LPP: variants seen among roughly 807,000 people sequenced by gnomAD.
LPP encodes the protein LIM domain containing preferred translocation partner in lipoma, also known as lipoma-preferred partner.
In LPP, 38 loss-of-function variants were observed where a neutral mutation model predicts 60.4. The observed-to-expected ratio is 0.63, with a 90% CI of 0.49 to 0.83. The LOEUF (loss-of-function observed/expected upper bound fraction) is 0.83. Among genes scored for constraint, LPP ranks in the 40% least tolerant of loss-of-function variants. LPP has a pLI of 0.00. For synonymous variants in LPP, 328 were observed against 290.8 expected (o/e 1.13, Z -1.30); for missense variants, 902 against 783.6 (o/e 1.15, Z -1.80).
At chr3:188,440,056 A>G (rs1464743881) in intron 4 of LPP, among the ~76,000 whole-genome samples, 1 of 152,142 alleles carries the variant, frequency 6.6e-6, no homozygotes, top group African/African-American at 2.4e-5. Context: ...GGATTATCAA[A>G]ATTTTTGTTC....
chr3:188,517,244 AG>A (rs368913097), intron 5 of LPP, among the ~76,000 whole-genome samples: 8 of 152,350 alleles, frequency 5.3e-5, no homozygotes, highest in African/African-American at 1.4e-4. Context: ...CTGACTCCAA[AG>A]CTTTCACCAG....
At chr3:188,580,900 T>C (rs9823790) in intron 6 of LPP, among the ~76,000 whole-genome samples, 103,803 of 151,944 alleles carry the variant, frequency 0.68, 35,919 homozygotes, top group East Asian at 0.87. Flanking sequence ...CTTGCCACAA[T>C]GAGAATTCCT....
At position 188,156,414 on chromosome 3, in the gene LPP, T is replaced by C. The variant is rs548357112; in HGVS notation, c.-190+2162T>C. ...GCTTAAAAATGCCAGGCTAAGGAGT[T>C]TGGATATATCTTAAATTCATCATTT... On this transcript the variant is annotated intron_variant, in intron 1 of 11. Transcript: ENST00000617246. Among the ~76,000 whole-genome samples, 60 of 152,256 alleles carry C rather than the reference T, an allele frequency of 3.9e-4. No individual in the cohort carries two copies. The South Asian group carries it at 0.012, about 32-fold the overall frequency.
chr3:188,743,861 A>G (rs1306448686), intron 8 of LPP: 1 of 152,130 alleles, frequency 6.6e-6, no homozygotes, highest in East Asian at 1.9e-4. Flanking sequence ...TCTAAATTTG[A>G]TTCATAGATT....
At chr3:188,325,765 G>T (rs969128234) in intron 2 of LPP, among the ~76,000 whole-genome samples, 5 of 151,932 alleles carry the variant, frequency 3.3e-5, no homozygotes, top group Non-Finnish European at 5.9e-5. Flanking sequence ...TATTTTTTGT[G>T]TTCCTCTTGT....
chr3:188,340,443 A>G (rs1014027212), intron 2 of LPP, among the ~76,000 whole-genome samples: 2 of 122,850 alleles, frequency 1.6e-5, no homozygotes, highest in Admixed American at 9.2e-5. Flanking sequence ...GTTCAGGGGT[A>G]TAGTTGCAGG....
intron 9 of LPP, among the ~76,000 whole-genome samples, chr3:188,856,581 A>G (rs1193939050): frequency 6.6e-6 from 1 of 152,182 alleles, no homozygotes; most frequent in Non-Finnish European, 1.5e-5. Context: ...TTCTTATAAT[A>G]TTTAATTCTC....
intron 5 of LPP, among the ~76,000 whole-genome samples, chr3:188,522,815 A>ATATATATATATATATG (rs796830660): frequency 3.7e-5 from 5 of 136,516 alleles, no homozygotes; most frequent in East Asian, 2.1e-4. Flanking sequence ...ATATATATAT[A>ATATATATATATATATG]TGTGTATGTG....
In LPP at chr3:188,770,252, C is replaced by T. The variant is rs187508801; in HGVS notation, c.1410+9970C>T. ...GGAGTGCAGTGGTGCAATCTCGGCTCACCGCAAGCTCCACCTGCCGGGTTC... is the reference window on the plus strand; with the variant it reads ...GGAGTGCAGTGGTGCAATCTCGGCTTACCGCAAGCTCCACCTGCCGGGTTC... On this transcript the variant is annotated intron_variant, in intron 9 of 11. Coordinates refer to ENST00000617246, the MANE Select transcript of LPP (RefSeq NM_001375462.1). Among the ~76,000 whole-genome samples, 65 of 144,130 alleles carry T rather than the reference C, an allele frequency of 4.5e-4. 1 individual carries two copies. The East Asian group carries it at 0.013, about 29-fold the overall frequency. 94.6% of individuals were successfully genotyped at this position (144,130 alleles called of 152,430 possible).
chr3:188,451,262 T>C (rs1796530604), intron 4 of LPP, among the ~76,000 whole-genome samples: 1 of 152,158 alleles, frequency 6.6e-6, no homozygotes, highest in Non-Finnish European at 1.5e-5. Context: ...CTCTCAAAAT[T>C]ACTGGGAAGA....
chr3:188,606,115 C>T (rs1580336538), intron 6 of LPP, among the ~76,000 whole-genome samples: 2 of 152,160 alleles, frequency 1.3e-5, no homozygotes, highest in South Asian at 2.1e-4. Flanking sequence ...CTGTCAAGAA[C>T]GGTCACAGAC....
At chr3:188,372,754 C>T (rs1292821985) in intron 3 of LPP, among the ~76,000 whole-genome samples, 14 of 150,786 alleles carry the variant, frequency 9.3e-5, no homozygotes, top group African/African-American at 2.4e-4. Context: ...ATGTGTACAA[C>T]GTGCAGGTTT....
chr3:188,302,643 C>T (rs1467871315), intron 2 of LPP, among the ~76,000 whole-genome samples: 3 of 152,172 alleles, frequency 2.0e-5, no homozygotes, highest in Non-Finnish European at 2.9e-5. Context: ...GAAAGGTCTC[C>T]TCCACAAGAT....
At chr3:188,826,259 T>C (rs1755453631) in intron 9 of LPP, among the ~76,000 whole-genome samples, 1 of 152,162 alleles carries the variant, frequency 6.6e-6, no homozygotes, top group African/African-American at 2.4e-5. Context: ...ATCCAATATA[T>C]GTTTGTTTTG....
At chr3:188,823,435 G>A (rs1754537744) in intron 9 of LPP, among the ~76,000 whole-genome samples, 1 of 152,098 alleles carries the variant, frequency 6.6e-6, no homozygotes, top group Non-Finnish European at 1.5e-5. Flanking sequence ...TGGAAAGTTG[G>A]CATCCCAGTT....
At chr3:188,492,726 TA>T (rs1808760645) in intron 5 of LPP, among the ~76,000 whole-genome samples, 1 of 152,040 alleles carries the variant, frequency 6.6e-6, no homozygotes, top group East Asian at 1.9e-4. Flanking sequence ...AACAGTAACG[TA>T]AAAAAATCAA....
At chr3:188,550,768 G>A (rs1827917831) in intron 6 of LPP, among the ~76,000 whole-genome samples, 1 of 152,042 alleles carries the variant, frequency 6.6e-6, no homozygotes, top group South Asian at 2.1e-4. Flanking sequence ...ACGACACATA[G>A]ATTATGGTTT....
chr3:188,200,234 T>A lies in LPP; in HGVS notation c.-189-25171T>A, dbSNP rs1730692381. On this transcript the variant is annotated intron_variant, in intron 1 of 11. Coordinates refer to ENST00000617246, the MANE Select transcript of LPP (RefSeq NM_001375462.1). ...AAGTTATTGAAAAGACTGGAGCTAC[T>A]GGGTTTAAGAATTTTTTTTTTTTTT... Among the ~76,000 whole-genome samples the A allele has an allele frequency of 3.3e-5, 5 of 151,018 alleles. No individual in the cohort carries two copies. The South Asian group carries it at 1.0e-3, about 32-fold the overall frequency.
chr3:188,513,250 G>C (rs1340769979), intron 5 of LPP, among the ~76,000 whole-genome samples: 1 of 152,226 alleles, frequency 6.6e-6, no homozygotes, highest in African/African-American at 2.4e-5. Context: ...TTGCTAAACT[G>C]TGTGTGTGGA....
Sources: gnomAD v4.1 joint callset for allele counts (sites outside exome capture counted in the v4.1 genomes callset) on GRCh38, gnomAD v4.1.1 for gene constraint, MANE v1.5 for transcripts, NCBI Gene and HGNC (gene_info 2026-07-23, HGNC 2026-07-21) for gene names.